Variants in SH3BP5 observed in about 807,000 individuals in gnomAD.
The protein encoded by SH3BP5 is SH3 domain binding protein 5.
In SH3BP5, 22 loss-of-function variants were observed where a neutral mutation model predicts 43.3. That is an observed-to-expected ratio of 0.51 (90% confidence interval 0.36 to 0.73). The LOEUF (loss-of-function observed/expected upper bound fraction) is 0.73, where lower values mean the gene tolerates loss of function less well. SH3BP5 is among the 30% of genes least tolerant of loss of function. The probability of loss-of-function intolerance (pLI) is 0.00; values close to 1 mark genes in which losing one functional copy is unlikely to be tolerated. For synonymous variants in SH3BP5, 255 were observed against 225.8 expected (o/e 1.13, Z -1.16); for missense variants, 529 against 586.9 (o/e 0.90, Z 1.02).
chr3:15,259,939 C>T (rs944703510), intron 5 of SH3BP5, 136 bp from the exon 6 acceptor site: 63 of 757,332 alleles, frequency 8.3e-5, no homozygotes, highest in African/African-American at 7.3e-4. Context: ...TTAACAAGGC[C>T]GTGACATGTC....
chr3:15,265,146 G>A (rs1696586369), intron 4 of SH3BP5, among the ~76,000 whole-genome samples: 1 of 152,028 alleles, frequency 6.6e-6, no homozygotes, highest in Non-Finnish European at 1.5e-5. Context: ...GCACATCACT[G>A]TCCCCTGCTT....
In SH3BP5 at chr3:15,332,293, T is replaced by C. The variant is rs998819723; in HGVS notation, c.116A>G (p.Glu39Gly). Residue 39 changes from glutamate (E) to glycine (G), a missense_variant, in exon 1 of 9, where the codon GAA (glutamate) becomes GGA (glycine). This residue lies in a region of SH3BP5 where 75 missense variants were observed against 61.8 expected (regional missense o/e 1.21). Transcript: ENST00000383791. ...EGMEQGLEEE[E>G]EVDPRIQGEL... ...TACCTGGATCCGGGGATCCACCTCTTCTTCCTCCTCCAGCCCCTGCTCCAT... is the reference window on the plus strand; with the variant it reads ...TACCTGGATCCGGGGATCCACCTCTCCTTCCTCCTCCAGCCCCTGCTCCAT... 6.5e-7 allele frequency: 1 copy of C among 1,548,642 alleles called. No homozygotes were observed. Among genetic ancestry groups the C allele is most frequent in the Non-Finnish European group, 8.7e-7 (1 of 1,149,144 alleles).
chr3:15,276,092 G>GA (rs1393487475), intron 3 of SH3BP5: 4 of 146,550 alleles, frequency 2.7e-5, no homozygotes, highest in African/African-American at 7.5e-5. Flanking sequence ...CTGTGACTAT[G>GA]AAGCCCTTAG....
chr3:15,260,437 G>A (rs1696392965), intron 5 of SH3BP5: 1 of 154,992 alleles, frequency 6.5e-6, no homozygotes, highest in African/African-American at 2.4e-5. Context: ...TCAGCTGAAA[G>A]AGCTTGGCTC....
intron 3 of SH3BP5, among the ~76,000 whole-genome samples, chr3:15,295,317 C>T (rs1036165519): frequency 6.6e-6 from 1 of 152,186 alleles, no homozygotes; most frequent in Non-Finnish European, 1.5e-5. Flanking sequence ...CATCGACATG[C>T]ACAGAGTGGT....
At position 15,278,315 on chromosome 3, in the gene SH3BP5, G is replaced by C. The variant is rs935474402; in HGVS notation, c.331-8438C>G. ...TGAAAACATGGTCAATAACCCCTGG[G>C]GGGTCTCAGTGAGGGAGGGATGGGC... On this transcript the variant is annotated intron_variant, in intron 3 of 8. Transcript: ENST00000383791. 2.6e-5 allele frequency among the ~76,000 whole-genome samples: 4 copies of C among 152,320 alleles called. No homozygotes were observed. In the East Asian group the frequency reaches 7.7e-4, roughly 29 times the overall value.
At chr3:15,294,281 G>A (rs938658011) in intron 3 of SH3BP5, among the ~76,000 whole-genome samples, 2 of 145,402 alleles carry the variant, frequency 1.4e-5, no homozygotes, top group Admixed American at 6.9e-5. Context: ...TTCTTCTTCT[G>A]CAAAAGTAAG....
chr3:15,259,163 C>G (rs1407385542), intron 6 of SH3BP5, 113 bp from the exon 7 acceptor site: 1 of 841,374 alleles, frequency 1.2e-6, no homozygotes, highest in African/African-American at 1.7e-5. Context: ...AAGGAATTTT[C>G]CAAGACATGA....
chr3:15,257,068 G>A lies in SH3BP5; in HGVS notation c.935C>T (p.Ser312Phe). 2 of 1,614,194 alleles carry A rather than the reference G, an allele frequency of 1.2e-6. No individual in the cohort carries two copies. The highest frequency in any genetic ancestry group is 1.7e-6 in the Non-Finnish European group (2 of 1,180,034). ...GGACTGGGTTTCCGAGTCATCTTCA[G>A]ACACAAAGTTGCTACAGCTGTCATC... ...FEDDSCSNFVSEDDSETQSVS... is the reference protein window; with the variant it reads ...FEDDSCSNFVFEDDSETQSVS... Residue 312 changes from serine (S) to phenylalanine (F), a missense_variant, in exon 8 of 9, where the codon TCT becomes TTT. Around this residue, in one of 3 missense-constraint regions of SH3BP5, gnomAD observed 369 missense variants for 384.3 expected, o/e 0.96. Transcript: ENST00000383791.
At chr3:15,260,849 CGATCT>C (rs1427919964) in intron 5 of SH3BP5, among the ~76,000 whole-genome samples, 3 of 152,098 alleles carry the variant, frequency 2.0e-5, no homozygotes, top group Non-Finnish European at 2.9e-5. Flanking sequence ...CCCAAGACTA[CGATCT>C]ATCCCTGTAC....
At chr3:15,305,986 C>T (rs1697891964) in intron 2 of SH3BP5, among the ~76,000 whole-genome samples, 1 of 151,788 alleles carries the variant, frequency 6.6e-6, no homozygotes, top group Admixed American at 6.6e-5. Flanking sequence ...CACATCCCCT[C>T]TACCTCTCCC....
intron 1 of SH3BP5, among the ~76,000 whole-genome samples, chr3:15,340,713 T>C (rs1698755390): frequency 6.6e-6 from 1 of 152,022 alleles, no homozygotes; most frequent in South Asian, 2.1e-4. Flanking sequence ...ATCGCGCCAC[T>C]GTACTGCAGC....
At chr3:15,320,258 C>T (rs1230817857) in intron 2 of SH3BP5, among the ~76,000 whole-genome samples, 1 of 152,052 alleles carries the variant, frequency 6.6e-6, no homozygotes, top group Non-Finnish European at 1.5e-5. Flanking sequence ...CATTGTCTCC[C>T]TGATAGCAGT....
At chr3:15,258,794 A>G (rs1014886856) in intron 7 of SH3BP5, 37 bp downstream of exon 7, 7 of 1,546,200 alleles carry the variant, frequency 4.5e-6, no homozygotes, top group Non-Finnish European at 6.2e-6. Flanking sequence ...ACACAGTCTG[A>G]TATCTCCCCA....
chr3:15,309,913 C>CG (rs201530228), intron 2 of SH3BP5, among the ~76,000 whole-genome samples: 2 of 150,954 alleles, frequency 1.3e-5, no homozygotes, highest in Non-Finnish European at 2.9e-5. Context: ...TCCACCCCCC[C>CG]CCCATAAGAA....
chr3:15,314,013 G>A (rs1374298940), intron 2 of SH3BP5, among the ~76,000 whole-genome samples: 1 of 152,010 alleles, frequency 6.6e-6, no homozygotes, highest in Non-Finnish European at 1.5e-5. Context: ...GAGGCAGGGG[G>A]ATTGCTTGAG....
intron 5 of SH3BP5, among the ~76,000 whole-genome samples, chr3:15,261,356 G>A (rs1344105093): frequency 2.6e-5 from 4 of 152,202 alleles, no homozygotes; most frequent in Non-Finnish European, 5.9e-5. Flanking sequence ...AGCCTAGGAG[G>A]ACCAAACTCT....
At chr3:15,271,453 G>A (rs1338250409) in intron 3 of SH3BP5, 1 of 152,188 alleles carries the variant, frequency 6.6e-6, no homozygotes, top group African/African-American at 2.4e-5. Context: ...GCTGAGGCAG[G>A]TGGATCACAA....
chr3:15,278,690 C>T (rs949605132), intron 3 of SH3BP5, among the ~76,000 whole-genome samples: 11 of 152,146 alleles, frequency 7.2e-5, no homozygotes, highest in African/African-American at 2.7e-4. Flanking sequence ...TTTTTCACAC[C>T]GAGGTGCTTC....
Sources: allele counts gnomAD v4.1 joint callset (sites outside exome capture counted in the v4.1 genomes callset), GRCh38; gene constraint gnomAD v4.1.1; regional missense constraint gnomAD v4.1.1; transcripts MANE v1.5; gene names NCBI Gene and HGNC (gene_info 2026-07-23, HGNC 2026-07-21).